The following STRADA variants were observed in gnomAD, a reference collection of about 807,000 sequenced individuals.
STRADA encodes the protein STE20-related kinase adapter protein alpha.
Under a neutral mutation model 55.0 loss-of-function variants are expected in STRADA, and 26 were observed. The observed-to-expected ratio is 0.47, with a 90% CI of 0.35 to 0.66. The LOEUF is 0.66. Among genes scored for constraint, STRADA ranks in the 30% least tolerant of loss-of-function variants. STRADA has a pLI of 0.01. For missense variants in STRADA, 443 were observed against 549.7 expected (o/e 0.81, Z 1.94); for synonymous variants, 197 against 210.9 (o/e 0.93, Z 0.57).
chr17:63,737,688 A>G (rs2038551105), intron 1 of STRADA, among the ~76,000 whole-genome samples: 1 of 152,232 alleles, frequency 6.6e-6, no homozygotes, highest in Non-Finnish European at 1.5e-5. Context: ...CAACAAGTGT[A>G]AAAATAGAGG....
intron 10 of STRADA, chr17:63,705,269 C>T (rs958055776): frequency 2.7e-5 from 9 of 334,126 alleles, no homozygotes; most frequent in Non-Finnish European, 5.1e-5. Context: ...AATTCAGTCC[C>T]ACAGTCTCAC....
intron 1 of STRADA, among the ~76,000 whole-genome samples, chr17:63,740,155 C>CAGATATATAT (rs761800599): frequency 9.0e-6 from 1 of 111,410 alleles, no homozygotes; most frequent in African/African-American, 3.9e-5. Flanking sequence ...TATACACACA[C>CAGATATATAT]ACACACACAC....
intron 1 of STRADA, among the ~76,000 whole-genome samples, chr17:63,730,082 C>T (rs62077484): frequency 0.32 from 48,760 of 151,758 alleles, 8,567 homozygotes; most frequent in South Asian, 0.58. Context: ...ATGATCCACC[C>T]GCCTCGGCCT....
At chr17:63,740,103 TATATACATACATAC>T in intron 1 of STRADA, among the ~76,000 whole-genome samples, 1 of 72,616 alleles carries the variant, frequency 1.4e-5, no homozygotes, top group Non-Finnish European at 2.4e-5. Context: ...TATATATATA[TATATACATACATAC>T]ATATATATAT....
In STRADA at chr17:63,714,055, C is replaced by T; in HGVS notation, c.177G>A (p.Met59Ile). 6.2e-7 allele frequency: 1 copy of T among 1,613,736 alleles called. No individual in the cohort carries two copies. The highest frequency in any genetic ancestry group is 8.5e-7 in the Non-Finnish European group (1 of 1,179,792). Residue 59 changes from methionine to isoleucine, a missense_variant, in exon 5 of 13, where the codon ATG (methionine) becomes ATA (isoleucine). Coordinates refer to ENST00000336174, the MANE Select transcript of STRADA (RefSeq NM_001003787.4). ...SIASFSKQEV[M>I]SSFLPEGGCY... ...ACCCTCCCTCTGGCAGAAAGCTACT[C>T]ATGACCTCCTGTTTAGAGAAGGATG...
intron 4 of STRADA, among the ~76,000 whole-genome samples, chr17:63,719,922 G>A (rs2037174693): frequency 6.6e-6 from 1 of 152,110 alleles, no homozygotes; most frequent in South Asian, 2.1e-4. Context: ...AACTATCAAT[G>A]TGCTTAGTTA....
rs1461780831 is a variant in STRADA at position 63,707,412 on chromosome 17, G to C, written c.588C>G (p.Val196=). ...CAGAGATCAGGATGTGGCTGGCTTT[G>C]ACACTCCTGGGGAAGCGGGGAGGGT... The part of the protein sequence containing the change: ...IHHMGYVHRS[V]KASHILISVD... Residue 196 remains valine (V), a synonymous_variant, in exon 9 of 13, where the codon GTC becomes GTG. Coordinates refer to ENST00000336174, the MANE Select transcript of STRADA (RefSeq NM_001003787.4). The C allele has an allele frequency of 1.2e-6, 2 of 1,613,548 alleles. No individual in the cohort carries two copies. The highest frequency in any genetic ancestry group is 1.7e-6 in the Non-Finnish European group (2 of 1,179,606).
rs896299589 is a variant in STRADA, at chr17:63,740,380, G to C, written c.-45+1361C>G. On this transcript the variant is annotated intron_variant, in intron 1 of 12. Transcript: ENST00000336174. ...TACAAAAATTAACCAGGTGTGGTGG[G>C]GGGTGCCTGTAATGCCAGCTACTCG... is the stretch of plus-strand genomic sequence containing the variant. Among the ~76,000 whole-genome samples, 38 of 151,604 alleles carry C rather than the reference G, an allele frequency of 2.5e-4. 1 individual carries two copies. Among genetic ancestry groups the C allele is most frequent in the South Asian group, 1.7e-3 (8 of 4,800 alleles).
chr17:63,729,743 C>G (rs1177276470), intron 1 of STRADA, among the ~76,000 whole-genome samples: 1 of 151,320 alleles, frequency 6.6e-6, no homozygotes, highest in Admixed American at 6.6e-5. Context: ...GAGCCAAGGT[C>G]GCGCCACTGC....
intron 4 of STRADA, chr17:63,717,062 A>G (rs1341262200): frequency 6.6e-6 from 1 of 152,188 alleles, no homozygotes; most frequent in African/African-American, 2.4e-5. Flanking sequence ...ATATGTTAAG[A>G]GCTTAGTGCT....
At chr17:63,740,579 T>C (rs2144398157) in intron 1 of STRADA, among the ~76,000 whole-genome samples, 1 of 152,272 alleles carries the variant, frequency 6.6e-6, no homozygotes, top group South Asian at 2.1e-4. Context: ...GCAAACTTCC[T>C]ACGTGTCAGG....
chr17:63,704,189 G>A, intron 11 of STRADA, 142 bp from the exon 12 acceptor site: 1 of 1,520,050 alleles, frequency 6.6e-7, no homozygotes, highest in Non-Finnish European at 8.8e-7. Context: ...TCCCCAGGCT[G>A]GCCTCTGACA....
chr17:63,728,794 C>T (rs2037830460), intron 1 of STRADA, among the ~76,000 whole-genome samples: 1 of 147,486 alleles, frequency 6.8e-6, no homozygotes, highest in Admixed American at 6.8e-5. Flanking sequence ...GTAATCCCAC[C>T]TACTTAAGAA....
rs200559640 is a variant in STRADA at position 63,704,433 on chromosome 17, G to C, written c.1008C>G (p.Asn336Lys). The C allele has an allele frequency of 3.7e-6, 6 of 1,612,684 alleles. No homozygotes were observed. In the East Asian group the frequency reaches 1.1e-4, roughly 30 times the overall value. The change falls in exon 11 of 13, where the codon AAC (asparagine) becomes AAG (lysine). Residue 336 changes from asparagine (N) to lysine (K), a missense_variant. Physicochemically the swap from Asn to Lys is moderately conservative, Grantham distance 94 (BLOSUM62 0). Transcript: ENST00000336174. ...GGTAGGGGTGGGAGGGCGAGTCACC[G>C]TTGGAGGGCCGGGGGGTGCTGGTGG... ...SLTTSTPRPSNGDSPSHPYHR... is the reference protein window; with the variant it reads ...SLTTSTPRPSKGDSPSHPYHR...
intron 7 of STRADA, 33 bp from the exon 8 acceptor site, chr17:63,710,647 G>C (rs1041679627): frequency 1.9e-6 from 3 of 1,614,056 alleles, no homozygotes; most frequent in Non-Finnish European, 2.5e-6. Context: ...GGCAGTGAAA[G>C]GTAATGGAGG....
chr17:63,704,322 C>G lies in STRADA; in HGVS notation c.1100+19G>C. 1.2e-6 allele frequency: 2 copies of G among 1,611,306 alleles called. No homozygotes were observed. Among genetic ancestry groups the G allele is most frequent in the Non-Finnish European group, 1.7e-6 (2 of 1,179,370 alleles). ...ACCCTCTGCTCTCCCGAAGCCCAGG[C>G]CCAGGCCAGCAGGGATACCTGGCAT... On this transcript the variant is annotated intron_variant, in intron 11 of 12. Transcript: ENST00000336174.
intron 1 of STRADA, among the ~76,000 whole-genome samples, chr17:63,737,054 G>A (rs921611072): frequency 2.0e-5 from 3 of 151,656 alleles, no homozygotes; most frequent in African/African-American, 7.3e-5. Flanking sequence ...TTCAAGACCA[G>A]TCTAGTCAAC....
intron 4 of STRADA, among the ~76,000 whole-genome samples, chr17:63,721,695 CAG>C (rs2037335565): frequency 6.8e-6 from 1 of 146,190 alleles, no homozygotes; most frequent in African/African-American, 2.5e-5. Context: ...GCCTGGGCAA[CAG>C]AGTGAGATTC....
intron 2 of STRADA, chr17:63,727,270 A>G (rs2037724752): frequency 6.6e-6 from 1 of 152,560 alleles, no homozygotes; most frequent in African/African-American, 2.4e-5. Context: ...AACGAGTATT[A>G]GATTTCTGTC....
Sources: allele counts gnomAD v4.1 joint callset (sites outside exome capture counted in the v4.1 genomes callset), GRCh38; gene constraint gnomAD v4.1.1; transcripts MANE v1.5; gene names NCBI Gene and HGNC (gene_info 2026-07-23, HGNC 2026-07-21).